Variants in KCNMB2 observed in about 807,000 individuals in gnomAD.
The protein encoded by KCNMB2 is calcium-activated potassium channel subunit beta-2.
Under a neutral mutation model 24.5 loss-of-function variants are expected in KCNMB2, and 9 were observed. The ratio of observed to expected loss-of-function variants is 0.37; its 90% CI spans 0.22 to 0.64. The LOEUF (loss-of-function observed/expected upper bound fraction) is 0.64. Among genes scored for constraint, KCNMB2 ranks in the 30% least tolerant of loss-of-function variants. The pLI, the probability that KCNMB2 is intolerant of heterozygous loss-of-function variation, is 0.63. For synonymous variants in KCNMB2, 109 were observed against 104.4 expected (o/e 1.04, Z -0.27); for missense variants, 226 against 284.3 (o/e 0.79, Z 1.47).
chr3:178,621,329 C>A (rs1463591416), intron 1 of KCNMB2, among the ~76,000 whole-genome samples: 1 of 151,088 alleles, frequency 6.6e-6, no homozygotes, highest in Non-Finnish European at 1.5e-5. Context: ...CTAGAAGGAA[C>A]TAATCTAGTT....
At chr3:178,664,616 C>A (rs1254699720) in intron 1 of KCNMB2, among the ~76,000 whole-genome samples, 1 of 151,946 alleles carries the variant, frequency 6.6e-6, no homozygotes, top group Non-Finnish European at 1.5e-5. Context: ...AGAAAGGCAT[C>A]CCTGTATCTG....
At chr3:178,705,470 T>C (rs1401981782) in intron 1 of KCNMB2, among the ~76,000 whole-genome samples, 2 of 152,154 alleles carry the variant, frequency 1.3e-5, no homozygotes, top group Non-Finnish European at 2.9e-5. Context: ...TATGAAAAGT[T>C]GTTTCATTGT....
intron 1 of KCNMB2, among the ~76,000 whole-genome samples, chr3:178,697,201 G>C (rs1043884005): frequency 2.0e-5 from 3 of 152,130 alleles, no homozygotes; most frequent in Non-Finnish European, 4.4e-5. Context: ...TTTTCAATGG[G>C]ATGTTAAAGT....
At chr3:178,605,674 A>C (rs1389095608) in intron 1 of KCNMB2, among the ~76,000 whole-genome samples, 1 of 152,172 alleles carries the variant, frequency 6.6e-6, no homozygotes, top group Non-Finnish European at 1.5e-5. Context: ...GAAATGAGGA[A>C]TATTTTATTG....
intron 1 of KCNMB2, among the ~76,000 whole-genome samples, chr3:178,684,969 T>C (rs1046373319): frequency 2.0e-5 from 3 of 152,264 alleles, no homozygotes; most frequent in African/African-American, 7.2e-5. Flanking sequence ...CTGTGAAGTT[T>C]TCCCTTTCTT....
At chr3:178,759,676 A>T (rs1338796614) in intron 1 of KCNMB2, among the ~76,000 whole-genome samples, 1 of 111,088 alleles carries the variant, frequency 9.0e-6, no homozygotes, top group Non-Finnish European at 1.9e-5. Flanking sequence ...ATATATATAT[A>T]TATCCAAGAG....
intron 1 of KCNMB2, among the ~76,000 whole-genome samples, chr3:178,633,453 C>G (rs1719398416): frequency 6.6e-6 from 1 of 152,368 alleles, no homozygotes; most frequent in South Asian, 2.1e-4. Flanking sequence ...AGGCTGAACA[C>G]CACATGGCAC....
chr3:178,777,923 G>A (rs905165378), intron 1 of KCNMB2, among the ~76,000 whole-genome samples: 2 of 152,186 alleles, frequency 1.3e-5, no homozygotes, highest in African/African-American at 4.8e-5. Context: ...ATCTAGGGAT[G>A]TGTCACATCA....
intron 1 of KCNMB2, among the ~76,000 whole-genome samples, chr3:178,591,073 T>C (rs1345825335): frequency 6.6e-6 from 1 of 152,156 alleles, no homozygotes; most frequent in Non-Finnish European, 1.5e-5. Context: ...TAAAACAAAA[T>C]GGTGTAATCT....
At chr3:178,594,461 T>A (rs952980862) in intron 1 of KCNMB2, among the ~76,000 whole-genome samples, 4 of 152,084 alleles carry the variant, frequency 2.6e-5, no homozygotes, top group Non-Finnish European at 5.9e-5. Context: ...TGAATTGATG[T>A]AGGTGTGACA....
At chr3:178,614,014 G>A (rs1718590146) in intron 1 of KCNMB2, among the ~76,000 whole-genome samples, 1 of 150,434 alleles carries the variant, frequency 6.6e-6, no homozygotes, top group East Asian at 2.0e-4. Context: ...TTTCTCCTCT[G>A]ACTGTTGTAT....
At chr3:178,692,976 G>GACATTTTATTCTTTTT (rs1156757653) in intron 1 of KCNMB2, among the ~76,000 whole-genome samples, 5 of 152,098 alleles carry the variant, frequency 3.3e-5, no homozygotes, top group African/African-American at 7.2e-5. Context: ...TCCCTAGTTA[G>GACATTTTATTCTTTTT]GTGTATTCCT....
chr3:178,700,966 T>G (rs1577108798), intron 1 of KCNMB2, among the ~76,000 whole-genome samples: 1 of 152,360 alleles, frequency 6.6e-6, no homozygotes, highest in Non-Finnish European at 1.5e-5. Flanking sequence ...TTTAATTAGA[T>G]CCCGTTTGTC....
At chr3:178,548,352 T>C (rs1399196016) in intron 1 of KCNMB2, among the ~76,000 whole-genome samples, 1 of 152,198 alleles carries the variant, frequency 6.6e-6, no homozygotes, top group Non-Finnish European at 1.5e-5. Flanking sequence ...ATGACCTTGA[T>C]CATGGAACTT....
intron 2 of KCNMB2, among the ~76,000 whole-genome samples, chr3:178,813,770 A>T (rs1714288894): frequency 6.6e-6 from 1 of 152,226 alleles, no homozygotes; most frequent in South Asian, 2.1e-4. Flanking sequence ...CAAACTAATT[A>T]AGTCTTTAAA....
At chr3:178,774,322 A>T (rs1470347540) in intron 1 of KCNMB2, among the ~76,000 whole-genome samples, 2 of 150,976 alleles carry the variant, frequency 1.3e-5, no homozygotes, top group South Asian at 4.1e-4. Context: ...AGGTGAAAAA[A>T]GAAAGAAAGA....
At chr3:178,821,445 C>A (rs1011152513) in intron 2 of KCNMB2, among the ~76,000 whole-genome samples, 79 of 152,172 alleles carry the variant, frequency 5.2e-4, no homozygotes, top group African/African-American at 1.8e-3. Context: ...ATGCAAAAAA[C>A]CAAAGCCTGA....
intron 1 of KCNMB2, among the ~76,000 whole-genome samples, chr3:178,668,120 A>G (rs1052528227): frequency 7.2e-5 from 11 of 152,142 alleles, no homozygotes; most frequent in African/African-American, 2.7e-4. Flanking sequence ...TCAGTTGTCT[A>G]TTCACCCACG....
chr3:178,762,035 G>A (rs554863204), intron 1 of KCNMB2, among the ~76,000 whole-genome samples: 51 of 152,236 alleles, frequency 3.4e-4, no homozygotes, highest in Admixed American at 1.3e-4. Context: ...ACCAGGCGTC[G>A]TAGCGGGCGC....
Sources: gnomAD v4.1 joint callset for allele counts (sites outside exome capture counted in the v4.1 genomes callset) on GRCh38, gnomAD v4.1.1 for gene constraint, MANE v1.5 for transcripts, NCBI Gene and HGNC (gene_info 2026-07-23, HGNC 2026-07-21) for gene names.